The following PMFBP1 variants were observed in gnomAD, a reference collection of about 807,000 sequenced individuals.
PMFBP1 encodes the protein polyamine-modulated factor 1-binding protein 1.
Under a neutral mutation model 137.8 loss-of-function variants are expected in PMFBP1, and 131 were observed. The ratio of observed to expected loss-of-function variants is 0.95; its 90% confidence interval spans 0.82 to 1.10. The LOEUF (loss-of-function observed/expected upper bound fraction) is 1.10. PMFBP1 is among the 50% of genes least tolerant of loss of function. The probability of loss-of-function intolerance (pLI) is 0.00; values close to 1 mark genes in which losing one functional copy is unlikely to be tolerated. For missense variants in PMFBP1, 1,199 were observed against 1,175.4 expected (o/e 1.02, Z -0.29); for synonymous variants, 490 against 450.4 (o/e 1.09, Z -1.11).
chr16:72,192,023 G>A, the PMFBP1 span, among the ~76,000 whole-genome samples: 97 of 152,314 alleles, frequency 6.4e-4, no homozygotes, highest in African/African-American at 1.9e-3. Context: ...TCCCCTGCGA[G>A]CTGAAACATT....
intron 1 of PMFBP1, 191 bp downstream of exon 1, chr16:72,171,863 T>C (rs1163928078): frequency 6.6e-6 from 1 of 152,250 alleles, no homozygotes; most frequent in African/African-American, 2.4e-5. Flanking sequence ...CTCATAAAGT[T>C]AGGAAACATG....
At chr16:72,226,813 G>C in the PMFBP1 span, among the ~76,000 whole-genome samples, 2 of 152,154 alleles carry the variant, frequency 1.3e-5, no homozygotes, top group Non-Finnish European at 2.9e-5. Context: ...TGTCAAGAGA[G>C]ACCTTTTGTC....
At chr16:72,180,514 C>A (rs971471163), upstream of PMFBP1, among the ~76,000 whole-genome samples, 18 of 152,138 alleles carry the variant, frequency 1.2e-4, no homozygotes, top group Admixed American at 3.9e-4. Flanking sequence ...TTCTCCCCAA[C>A]CAAAAGGGTA....
chr16:72,210,128 G>C, the PMFBP1 span, among the ~76,000 whole-genome samples: 1 of 152,186 alleles, frequency 6.6e-6, no homozygotes, highest in Admixed American at 6.5e-5. Flanking sequence ...AGTGAATTCT[G>C]TTTCCTCCTG....
In PMFBP1 at chr16:72,156,421, G is replaced by A. The variant is rs374325436; in HGVS notation, c.166-1962C>T. Among the ~76,000 whole-genome samples the A allele has an allele frequency of 1.1e-3, 173 of 151,864 alleles. 1 individual carries two copies. The highest frequency in any genetic ancestry group is 3.0e-3 in the African/African-American group (123 of 41,426). ...ATCATGAGGTCAGGAGATCGAGACC[G>A]TCCTGGCTAACACAGTGAAACCCCG... On this transcript the variant is annotated intron_variant, in intron 3 of 20. Transcript: ENST00000237353.
chr16:72,228,186 C>G, the PMFBP1 span, among the ~76,000 whole-genome samples: 24 of 152,022 alleles, frequency 1.6e-4, 1 homozygote, highest in South Asian at 8.3e-4. Flanking sequence ...CAGCCCTTCT[C>G]CCACCGTCGT....
intron 10 of PMFBP1, among the ~76,000 whole-genome samples, chr16:72,131,969 C>T (rs993637462): frequency 5.9e-5 from 9 of 152,116 alleles, no homozygotes; most frequent in Non-Finnish European, 1.2e-4. Flanking sequence ...CCTCAGCCTC[C>T]CAAGTAGCTG....
chr16:72,125,999 C>T lies in PMFBP1; in HGVS notation c.2222G>A (p.Cys741Tyr). Residue 741 changes from cysteine (C) to tyrosine (Y), a missense_variant, in exon 15 of 21, where the codon TGC becomes TAC. Physicochemically the swap from Cys to Tyr is radical, Grantham distance 194 (BLOSUM62 -2). Coordinates refer to ENST00000237353, the MANE Select transcript of PMFBP1 (RefSeq NM_031293.3). ...GAGGGCTTGTGTCAGGTCATCCTGG[C>T]AGGCGGCTGACTTCCGGGATAATGC... Reference protein sequence around the residue: ...YDALSRKSAACQDDLTQALEK... With the variant: ...YDALSRKSAAYQDDLTQALEK... 6.2e-7 allele frequency: 1 copy of T among 1,614,164 alleles called. No homozygotes were observed. Among genetic ancestry groups the T allele is most frequent in the Non-Finnish European group, 8.5e-7 (1 of 1,180,002 alleles).
At chr16:72,184,928 A>G in the PMFBP1 span, among the ~76,000 whole-genome samples, 1 of 152,074 alleles carries the variant, frequency 6.6e-6, no homozygotes, top group Non-Finnish European at 1.5e-5. Flanking sequence ...CGATCATGTC[A>G]TTTGCTTGCC....
At chr16:72,184,539 A>G in the PMFBP1 span, among the ~76,000 whole-genome samples, 5 of 152,328 alleles carry the variant, frequency 3.3e-5, no homozygotes, top group African/African-American at 1.2e-4. Context: ...TAACAGCCCT[A>G]TGGGTACTGT....
intron 3 of PMFBP1, among the ~76,000 whole-genome samples, chr16:72,158,027 C>G (rs1289048777): frequency 1.3e-5 from 2 of 152,086 alleles, no homozygotes; most frequent in African/African-American, 4.8e-5. Flanking sequence ...ACCTGAAAGA[C>G]AAAAAATCTC....
chr16:72,157,205 A>T (rs868101131), intron 3 of PMFBP1, among the ~76,000 whole-genome samples: 17,412 of 148,296 alleles, frequency 0.12, 1,707 homozygotes, highest in South Asian at 0.18. Flanking sequence ...AAAAAAAAAA[A>T]AAAAAACCAG....
chr16:72,185,069 G>C, the PMFBP1 span, among the ~76,000 whole-genome samples: 1 of 151,748 alleles, frequency 6.6e-6, no homozygotes, highest in East Asian at 1.9e-4. Context: ...TGTCACCCAG[G>C]CTGGAGTGCA....
chr16:72,242,423 G>T, the PMFBP1 span, among the ~76,000 whole-genome samples: 1 of 152,180 alleles, frequency 6.6e-6, no homozygotes, highest in Non-Finnish European at 1.5e-5. Context: ...AAGAGTAAAG[G>T]AAAGTATCTA....
At chr16:72,187,339 G>A in the PMFBP1 span, among the ~76,000 whole-genome samples, 1 of 152,118 alleles carries the variant, frequency 6.6e-6, no homozygotes, top group Non-Finnish European at 1.5e-5. Flanking sequence ...TCAACTCATT[G>A]GGTTAAAGCT....
chr16:72,211,969 T>A, the PMFBP1 span, among the ~76,000 whole-genome samples: 3 of 152,008 alleles, frequency 2.0e-5, no homozygotes, highest in East Asian at 5.8e-4. Flanking sequence ...TGCACTTCAG[T>A]CTGGGCAAGA....
At chr16:72,183,242 G>A in the PMFBP1 span, among the ~76,000 whole-genome samples, 4 of 152,166 alleles carry the variant, frequency 2.6e-5, no homozygotes, top group African/African-American at 9.7e-5. Context: ...TAGTTTATAA[G>A]GTAAATAACA....
chr16:72,238,114 G>A, the PMFBP1 span, among the ~76,000 whole-genome samples: 4 of 152,204 alleles, frequency 2.6e-5, no homozygotes. Context: ...ACATATGTGT[G>A]CATGTGTCTT....
At chr16:72,171,387 A>T in intron 1 of PMFBP1, 119 bp from the exon 2 acceptor site, 1 of 601,142 alleles carries the variant, frequency 1.7e-6, no homozygotes, top group African/African-American at 1.8e-5. Context: ...CTGAACTGTT[A>T]GCAATACCCA....
Sources: gnomAD v4.1 joint callset for allele counts (sites outside exome capture counted in the v4.1 genomes callset) on GRCh38, gnomAD v4.1.1 for gene constraint, MANE v1.5 for transcripts, NCBI Gene and HGNC (gene_info 2026-07-23, HGNC 2026-07-21) for gene names.